The following PHEX variants were observed in gnomAD, a reference collection of about 807,000 sequenced individuals.
PHEX encodes the protein phosphate-regulating neutral endopeptidase PHEX.
In PHEX, 16 loss-of-function variants were observed where a neutral mutation model predicts 68.0. The ratio of observed to expected loss-of-function variants is 0.24; its 90% CI spans 0.16 to 0.36. The LOEUF (loss-of-function observed/expected upper bound fraction) is 0.36, where lower values mean the gene tolerates loss of function less well. Among genes scored for constraint, PHEX ranks in the 10% least tolerant of loss-of-function variants. The pLI is 1.00. For missense variants in PHEX, 480 were observed against 575.5 expected (o/e 0.83, Z 1.70); for synonymous variants, 208 against 205.1 (o/e 1.01, Z -0.12).
chrX:22,084,212 C>G (rs1445813398), intron 5 of PHEX, among the ~76,000 whole-genome samples: 1 of 111,759 alleles, frequency 8.9e-6, no homozygotes, highest in Middle Eastern at 4.6e-3. Flanking sequence ...CCAGGCTGGA[C>G]TTGGGTTCAA....
At chrX:22,150,342 G>T (rs755297245) in intron 12 of PHEX, among the ~76,000 whole-genome samples, 160 of 111,339 alleles carry the variant, frequency 1.4e-3, no homozygotes, top group African/African-American at 4.9e-3. Flanking sequence ...GGCCGATGCT[G>T]CTGGACAATG....
intron 15 of PHEX, among the ~76,000 whole-genome samples, chrX:22,197,515 C>G (rs958897021): frequency 7.2e-5 from 8 of 110,856 alleles, no homozygotes; most frequent in African/African-American, 2.6e-4. Context: ...AACTGGGGCC[C>G]CCTGCTCATT....
chrX:22,196,695 A>G (rs67745103), intron 15 of PHEX, among the ~76,000 whole-genome samples: 7,157 of 112,481 alleles, frequency 0.064, 571 homozygotes, highest in African/African-American at 0.22. Context: ...AATCAAATTA[A>G]AGAAGTATCT....
chrX:22,182,775 C>A (rs1029811483), intron 14 of PHEX, among the ~76,000 whole-genome samples: 7 of 111,323 alleles, frequency 6.3e-5, no homozygotes, highest in African/African-American at 2.3e-4. Context: ...CCCACTGGGG[C>A]AGCAAAGCTG....
At chrX:22,075,729 G>A (rs922575917) in intron 3 of PHEX, among the ~76,000 whole-genome samples, 4 of 111,550 alleles carry the variant, frequency 3.6e-5, no homozygotes, top group East Asian at 2.8e-4. Flanking sequence ...TATTTTCCAG[G>A]TGGGCCTATG....
In PHEX at chrX:22,230,487, C is replaced by T. The variant is rs777879261; in HGVS notation, c.2070+2876C>T. Among the ~76,000 whole-genome samples, 4 of 108,821 alleles carry T rather than the reference C, an allele frequency of 3.7e-5. No individual in the cohort carries two copies. In the East Asian group the frequency reaches 8.6e-4, roughly 23 times the overall value. The allele number at this position is 108,821 out of a possible 115,157, so 94.5% of individuals were successfully genotyped here. A position where few individuals can be genotyped will look rare whatever the true frequency, so the allele number is the denominator to read the frequency against. ...GTTTGTAGTTATCCTTGAAGAGGTC[C>T]TTTACATCCCTTGTAAGTTGTATTC... is the stretch of plus-strand genomic sequence containing the variant. On this transcript the variant is annotated intron_variant, in intron 20 of 21. Coordinates refer to ENST00000379374, the MANE Select transcript of PHEX (RefSeq NM_000444.6).
chrX:22,213,478 A>C (rs1358927276), intron 16 of PHEX, among the ~76,000 whole-genome samples: 1 of 112,137 alleles, frequency 8.9e-6, no homozygotes, highest in East Asian at 2.8e-4. Flanking sequence ...TTTTTGAGCA[A>C]GTTAGTAAGA....
At chrX:22,186,719 C>A (rs752761484) in intron 14 of PHEX, among the ~76,000 whole-genome samples, 17 of 111,635 alleles carry the variant, frequency 1.5e-4, no homozygotes, top group Non-Finnish European at 3.0e-4. Context: ...GATCATGTGT[C>A]TGAAATAAGA....
chrX:22,058,949 C>T (rs1283410152), intron 3 of PHEX, among the ~76,000 whole-genome samples: 2 of 111,749 alleles, frequency 1.8e-5, no homozygotes, highest in Admixed American at 9.5e-5. Context: ...GGATTACAGG[C>T]GCCTGCCACC....
intron 15 of PHEX, among the ~76,000 whole-genome samples, chrX:22,211,190 A>G (rs1279685991): frequency 8.9e-6 from 1 of 111,905 alleles, no homozygotes; most frequent in Non-Finnish European, 1.9e-5. Flanking sequence ...CATGTCTCCC[A>G]CTCATCTGCA....
chrX:22,062,877 C>T (rs1408456666), intron 3 of PHEX, among the ~76,000 whole-genome samples: 3 of 111,176 alleles, frequency 2.7e-5, no homozygotes, highest in Admixed American at 9.6e-5. Flanking sequence ...TCTCGTCCCT[C>T]AACCTCCCGA....
At chrX:22,241,093 A>G (rs1019101660) in intron 20 of PHEX, among the ~76,000 whole-genome samples, 1 of 112,276 alleles carries the variant, frequency 8.9e-6, no homozygotes, top group Admixed American at 9.4e-5. Flanking sequence ...ACCACAGTGC[A>G]AACAAATTAG....
At chrX:22,061,970 G>A (rs774261119) in intron 3 of PHEX, among the ~76,000 whole-genome samples, 10 of 111,538 alleles carry the variant, frequency 9.0e-5, no homozygotes, top group South Asian at 3.8e-4. Flanking sequence ...GAAGGGGAAG[G>A]AGGCATGTCT....
At chrX:22,150,565 T>C (rs1932838170) in intron 12 of PHEX, among the ~76,000 whole-genome samples, 1 of 111,956 alleles carries the variant, frequency 8.9e-6, no homozygotes, top group Non-Finnish European at 1.9e-5. Context: ...CCAGGCAGTA[T>C]CCTGAATTTG....
chrX:22,040,781 G>C (rs1927240591), intron 2 of PHEX, among the ~76,000 whole-genome samples: 1 of 110,426 alleles, frequency 9.1e-6, no homozygotes, highest in Admixed American at 9.7e-5. Flanking sequence ...CAGTGAGTTT[G>C]GGCTTTCCTT....
intron 18 of PHEX, among the ~76,000 whole-genome samples, chrX:22,223,158 T>G: frequency 8.9e-6 from 1 of 112,067 alleles, no homozygotes; most frequent in Non-Finnish European, 1.9e-5. Context: ...GGAGAGTGGG[T>G]GGCTTCCTTT....
intron 3 of PHEX, among the ~76,000 whole-genome samples, chrX:22,050,012 T>C: frequency 8.9e-6 from 1 of 112,974 alleles, no homozygotes; most frequent in Non-Finnish European, 1.9e-5. Flanking sequence ...CTGGAAGTTT[T>C]ATTGGAACAC....
chrX:22,224,315 G>A (rs1935371021), intron 18 of PHEX, among the ~76,000 whole-genome samples: 1 of 111,756 alleles, frequency 8.9e-6, no homozygotes, highest in Non-Finnish European at 1.9e-5. Flanking sequence ...AGTCGTTTCA[G>A]GAAAAACCTA....
chrX:22,193,233 TTTAGA>T (rs1294166448), intron 15 of PHEX, among the ~76,000 whole-genome samples: 2 of 111,310 alleles, frequency 1.8e-5, no homozygotes, highest in East Asian at 5.7e-4. Context: ...ATAGAAATTG[TTTAGA>T]TTATTCACTT....
Sources: gnomAD v4.1 joint callset for allele counts (sites outside exome capture counted in the v4.1 genomes callset) on GRCh38, gnomAD v4.1.1 for gene constraint, MANE v1.5 for transcripts, NCBI Gene and HGNC (gene_info 2026-07-23, HGNC 2026-07-21) for gene names.